The following FYB2 variants were observed in gnomAD, a reference collection of about 807,000 sequenced individuals.
FYB2 encodes FYN binding protein 2.
In FYB2, 103 loss-of-function variants were observed where a neutral mutation model predicts 94.1. That is an observed-to-expected ratio of 1.09 (90% CI 0.93 to 1.29). The LOEUF (loss-of-function observed/expected upper bound fraction) is 1.29. Ranked by LOEUF, FYB2 falls within the 50% of genes most tolerant of loss-of-function variation. The probability of loss-of-function intolerance (pLI) is 0.00; values close to 1 mark genes in which losing one functional copy is unlikely to be tolerated. For missense variants in FYB2, 896 were observed against 841.5 expected (o/e 1.06, Z -0.80); for synonymous variants, 293 against 287.9 (o/e 1.02, Z -0.18).
chr1:56,726,381 T>C (rs1466459316), intron 16 of FYB2, 116 bp downstream of exon 16: 2 of 869,174 alleles, frequency 2.3e-6, no homozygotes, highest in Non-Finnish European at 3.6e-6. Context: ...GTTATTCTCA[T>C]CTTGTAGATG....
intron 2 of FYB2, among the ~76,000 whole-genome samples, chr1:56,791,462 GC>G (rs1557652799): frequency 6.6e-6 from 1 of 152,030 alleles, no homozygotes; most frequent in Non-Finnish European, 1.5e-5. Context: ...TGCCATATTA[GC>G]CAGGCTGGTT....
chr1:56,722,700 GAAAGTGCAAGGC>G (rs1644508879), intron 17 of FYB2, among the ~76,000 whole-genome samples: 1 of 152,050 alleles, frequency 6.6e-6, no homozygotes, highest in Admixed American at 6.6e-5. Context: ...TGCCAAAGCA[GAAAGTGCAAGGC>G]AAAGAGTGGC....
intron 6 of FYB2, among the ~76,000 whole-genome samples, chr1:56,757,687 CTTCTTTCTTTCT>C (rs1191302491): frequency 1.5e-3 from 107 of 71,950 alleles, no homozygotes; most frequent in Middle Eastern, 0.014. Flanking sequence ...TCCTTCCTTC[CTTCTTTCTTTCT>C]TTCTTTCTTT....
At chr1:56,795,032 ATCTTAACCATCTCTAAGTGT>A in intron 1 of FYB2, among the ~76,000 whole-genome samples, 1 of 151,538 alleles carries the variant, frequency 6.6e-6, no homozygotes, top group East Asian at 2.0e-4. Context: ...ACACTTAGAG[ATCTTAACCATCTCTAAGTGT>A]ACAGTTTGGC....
chr1:56,726,605 G>A (rs1644588521), intron 15 of FYB2, 22 bp from the exon 16 acceptor site: 4 of 1,580,784 alleles, frequency 2.5e-6, no homozygotes, highest in Non-Finnish European at 3.5e-6. Context: ...TATATTTTGA[G>A]CAAGTAAATT....
intron 1 of FYB2, among the ~76,000 whole-genome samples, chr1:56,803,114 G>C (rs1311004998): frequency 2.0e-5 from 3 of 152,026 alleles, no homozygotes; most frequent in Non-Finnish European, 4.4e-5. Flanking sequence ...GTATACTTTG[G>C]AATTCAAATT....
At chr1:56,725,466 G>A (rs1245105826) in intron 16 of FYB2, among the ~76,000 whole-genome samples, 1 of 151,886 alleles carries the variant, frequency 6.6e-6, no homozygotes, top group Admixed American at 6.6e-5. Context: ...AAAATAAAAA[G>A]GCACTGGAAA....
At chr1:56,759,292 G>A (rs986475901) in intron 5 of FYB2, among the ~76,000 whole-genome samples, 3 of 152,006 alleles carry the variant, frequency 2.0e-5, no homozygotes, top group Admixed American at 6.6e-5. Context: ...GTCATGCATC[G>A]CTTAACAATG....
At position 56,792,472 on chromosome 1, in the gene FYB2, A is replaced by T. The variant is rs145142108; in HGVS notation, c.341T>A (p.Leu114Gln). 6.8e-6 allele frequency: 11 copies of T among 1,614,076 alleles called. No individual in the cohort carries two copies. Among genetic ancestry groups the T allele is most frequent in the Non-Finnish European group, 9.3e-6 (11 of 1,180,018 alleles). The change falls in exon 2 of 20, where the codon CTG becomes CAG. Residue 114 changes from leucine (L) to glutamine (Q), a missense_variant. Coordinates refer to ENST00000343433, the MANE Select transcript of FYB2 (RefSeq NM_001004303.5). ...AACATTTGATTGAGTCACCTCTAACAGCAGAGAAGCCTTCTGTGAACTTGT... is the reference window on the plus strand; with the variant it reads ...AACATTTGATTGAGTCACCTCTAACTGCAGAGAAGCCTTCTGTGAACTTGT... ...SATSSQKASL[L>Q]LEVTQSNVEI...
intron 3 of FYB2, among the ~76,000 whole-genome samples, chr1:56,788,298 G>A (rs922661740): frequency 6.6e-6 from 1 of 152,184 alleles, no homozygotes; most frequent in South Asian, 2.1e-4. Context: ...TAAAACAAAT[G>A]TTAGCACAGC....
intron 15 of FYB2, among the ~76,000 whole-genome samples, chr1:56,728,207 C>G (rs200725692): frequency 6.6e-6 from 1 of 152,088 alleles, no homozygotes; most frequent in Non-Finnish European, 1.5e-5. Flanking sequence ...CCTCTTACCC[C>G]TCCCTTTTCT....
rs1233261586 is a variant in FYB2 at position 56,720,338 on chromosome 1, A to T, written c.1975-9T>A. Reference sequence around the variant, plus strand: ...ATAATCTCTTTGTCGTACTGAAATGAGAAATTACTAATCAGACCATTCTTG... The same window carrying T: ...ATAATCTCTTTGTCGTACTGAAATGTGAAATTACTAATCAGACCATTCTTG... On this transcript the variant is annotated splice_polypyrimidine_tract_variant and intron_variant, in intron 17 of 19. Coordinates refer to ENST00000343433, the MANE Select transcript of FYB2 (RefSeq NM_001004303.5). 1.9e-6 allele frequency: 3 copies of T among 1,591,618 alleles called. No individual in the cohort carries two copies. The highest frequency in any genetic ancestry group is 3.6e-5 in the Admixed American group (2 of 54,978).
In FYB2 at chr1:56,745,386, T is replaced by G. The variant is rs535818601; in HGVS notation, c.1388-1120A>C. 7.2e-5 allele frequency among the ~76,000 whole-genome samples: 11 copies of G among 152,156 alleles called. No homozygotes were observed. The South Asian group carries it at 1.7e-3, about 23-fold the overall frequency. Reference sequence around the variant, plus strand: ...TTCCAAACCAAAATCATAATTTCTCTCTGCAAGTTTGCTCTTCCTGAAGTT... The same window carrying G: ...TTCCAAACCAAAATCATAATTTCTCGCTGCAAGTTTGCTCTTCCTGAAGTT... On this transcript the variant is annotated intron_variant, in intron 9 of 19. Transcript: ENST00000343433.
intron 4 of FYB2, among the ~76,000 whole-genome samples, chr1:56,785,599 A>G (rs562522259): frequency 2.0e-5 from 3 of 152,194 alleles, no homozygotes; most frequent in Non-Finnish European, 4.4e-5. Flanking sequence ...TGTCTTATCA[A>G]TTCCCTGTTG....
intron 4 of FYB2, among the ~76,000 whole-genome samples, chr1:56,773,115 A>T (rs1158449142): frequency 6.6e-6 from 1 of 152,196 alleles, no homozygotes. Flanking sequence ...GAAAATTTCT[A>T]ATTTTGTTTG....
intron 17 of FYB2, 58 bp downstream of exon 17, chr1:56,723,530 T>C: frequency 1.0e-6 from 1 of 1,003,670 alleles, no homozygotes; most frequent in Non-Finnish European, 1.4e-6. Context: ...ATTTTTTTTT[T>C]AAATGAAAGC....
At chr1:56,793,432 C>CA (rs542122392) in intron 1 of FYB2, among the ~76,000 whole-genome samples, 166 of 151,340 alleles carry the variant, frequency 1.1e-3, no homozygotes, top group Non-Finnish European at 1.9e-3. Flanking sequence ...ATTCAATATG[C>CA]AAAAAAAATA....
intron 4 of FYB2, among the ~76,000 whole-genome samples, chr1:56,771,921 TG>T (rs1228271370): frequency 1.3e-5 from 2 of 152,034 alleles, no homozygotes; most frequent in Non-Finnish European, 2.9e-5. Flanking sequence ...TAGTTTTTTT[TG>T]CATAGTTGCA....
chr1:56,779,105 G>C (rs1301901405), intron 4 of FYB2, among the ~76,000 whole-genome samples: 1 of 152,004 alleles, frequency 6.6e-6, no homozygotes, highest in East Asian at 1.9e-4. Context: ...AAGGGTGAGA[G>C]GGCTTAGGAG....
Sources: allele counts gnomAD v4.1 joint callset (sites outside exome capture counted in the v4.1 genomes callset), GRCh38; gene constraint gnomAD v4.1.1; transcripts MANE v1.5; gene names NCBI Gene and HGNC (gene_info 2026-07-23, HGNC 2026-07-21).